The following CREB3L2 variants were observed in gnomAD, a reference collection of about 807,000 sequenced individuals.
CREB3L2 encodes the protein cAMP responsive element binding protein 3 like 2, also known as cyclic AMP-responsive element-binding protein 3-like protein 2.
CREB3L2 carries 23 observed loss-of-function variants against 57.2 expected under a neutral mutation model. The observed-to-expected ratio is 0.40, with a 90% CI of 0.29 to 0.57. The LOEUF (loss-of-function observed/expected upper bound fraction) is 0.57. Ranked by LOEUF, CREB3L2 falls within the 20% of genes least tolerant of loss-of-function variation. The probability of loss-of-function intolerance (pLI) is 0.42; values close to 1 mark genes in which losing one functional copy is unlikely to be tolerated. For missense variants in CREB3L2, 628 were observed against 634.7 expected, an observed-to-expected ratio of 0.99 and a Z score of 0.11; for synonymous variants, 268 against 265.1, an observed-to-expected ratio of 1.01 and a Z score of -0.11.
intron 1 of CREB3L2, among the ~76,000 whole-genome samples, chr7:137,933,206 A>T (rs1436741886): frequency 6.6e-6 from 1 of 152,226 alleles, no homozygotes; most frequent in Non-Finnish European, 1.5e-5. Context: ...AAGAGAAATA[A>T]ATAACAGAAT....
chr7:137,999,379 T>TAC (rs60762009), intron 1 of CREB3L2, among the ~76,000 whole-genome samples: 4,934 of 142,292 alleles, frequency 0.035, 125 homozygotes, highest in African/African-American at 0.058. Flanking sequence ...TATGTTCCCC[T>TAC]ACACACACAC....
At position 137,904,061 on chromosome 7, in the gene CREB3L2, G is replaced by C. The variant is rs570573826; in HGVS notation, c.916-44C>G. 3 of 1,517,304 alleles carry C rather than the reference G, an allele frequency of 2.0e-6. No individual in the cohort carries two copies. In the African/African-American group the frequency reaches 4.1e-5, roughly 21 times the overall value. 94.0% of individuals were successfully genotyped at this position (1,517,304 alleles called of 1,614,324 possible). A position where few individuals can be genotyped will look rare whatever the true frequency, so the allele number is the denominator to read the frequency against. On this transcript the variant is annotated intron_variant, in intron 6 of 11. Coordinates refer to ENST00000330387, the MANE Select transcript of CREB3L2 (RefSeq NM_194071.4). ...AGGAGAATGATTAATTTCCAGCTCT[G>C]TAAGTAAACCAGTTAAGATGGGAGG...
At chr7:137,994,298 GC>G (rs1393434315) in intron 1 of CREB3L2, among the ~76,000 whole-genome samples, 1 of 152,170 alleles carries the variant, frequency 6.6e-6, no homozygotes, top group African/African-American at 2.4e-5. Context: ...AGGCACATGT[GC>G]CCTCATCAAT....
At chr7:137,943,617 G>C (rs1296382892) in intron 1 of CREB3L2, among the ~76,000 whole-genome samples, 1 of 152,142 alleles carries the variant, frequency 6.6e-6, no homozygotes, top group Non-Finnish European at 1.5e-5. Flanking sequence ...AATGGCACTA[G>C]ACCATTTCTA....
chr7:137,889,981 G>A (rs1799501458), intron 8 of CREB3L2, among the ~76,000 whole-genome samples: 2 of 152,062 alleles, frequency 1.3e-5, no homozygotes, highest in Admixed American at 1.3e-4. Context: ...GTACAGCATG[G>A]TACCCTAATC....
At position 137,885,505 on chromosome 7, in the gene CREB3L2, G is replaced by T; in HGVS notation, c.1044-3C>A. The T allele has an allele frequency of 6.2e-7, 1 of 1,610,430 alleles. No homozygotes were observed. The highest frequency in any genetic ancestry group is 8.5e-7 in the Non-Finnish European group (1 of 1,176,642). ...TCTGGAGTTGCTGAAGGAGAGTCCT[G>T]CCAATGATAACAACAGCCGTGAGGG... On this transcript the variant is annotated splice_polypyrimidine_tract_variant and splice_region_variant and intron_variant, in intron 8 of 11. Coordinates refer to ENST00000330387, the MANE Select transcript of CREB3L2 (RefSeq NM_194071.4).
intron 1 of CREB3L2, among the ~76,000 whole-genome samples, chr7:137,995,173 T>C: frequency 6.6e-6 from 1 of 152,132 alleles, no homozygotes; most frequent in Non-Finnish European, 1.5e-5. Context: ...CTTCTCTTCT[T>C]CCTCTGGATG....
At chr7:137,945,034 G>C (rs559477556) in intron 1 of CREB3L2, among the ~76,000 whole-genome samples, 2 of 151,992 alleles carry the variant, frequency 1.3e-5, no homozygotes, top group Non-Finnish European at 2.9e-5. Context: ...CTGGGCTTAC[G>C]GGCATGTGCC....
At chr7:137,940,019 A>C (rs1356331656) in intron 1 of CREB3L2, among the ~76,000 whole-genome samples, 1 of 152,192 alleles carries the variant, frequency 6.6e-6, no homozygotes, top group East Asian at 1.9e-4. Context: ...TACTCTTCCT[A>C]ATTGGTGTTG....
Position 137,986,327 on chromosome 7 carries a change from G to GCA in CREB3L2, c.102+15275_102+15276dup, listed in dbSNP as rs1801791824. On this transcript the variant is annotated intron_variant, in intron 1 of 11. Transcript: ENST00000330387. The stretch of plus-strand genomic sequence containing the variant: ...TTTTGTTAGACGAGAAAACAGACAA[G>GCA]CACACTTATCAGGGCTTCCCAACAG... Among the ~76,000 whole-genome samples the GCA allele has an allele frequency of 6.6e-5, 10 of 152,356 alleles. 1 individual carries two copies. In the South Asian group the frequency reaches 2.1e-3, roughly 32 times the overall value.
At chr7:137,975,522 C>T (rs1454798737) in intron 1 of CREB3L2, among the ~76,000 whole-genome samples, 3 of 152,148 alleles carry the variant, frequency 2.0e-5, no homozygotes, top group Admixed American at 6.5e-5. Context: ...ACAGAAGAGC[C>T]TTTGCTTCTG....
chr7:137,978,311 C>A (rs551717953), intron 1 of CREB3L2, among the ~76,000 whole-genome samples: 1 of 152,262 alleles, frequency 6.6e-6, no homozygotes, highest in South Asian at 2.1e-4. Flanking sequence ...CATATAAAAT[C>A]TGTATTTCTA....
chr7:137,934,696 TAGA>T (rs1416378608), intron 1 of CREB3L2, among the ~76,000 whole-genome samples: 2 of 152,212 alleles, frequency 1.3e-5, no homozygotes, highest in East Asian at 3.8e-4. Context: ...AAGAGTTTGT[TAGA>T]AGGAGAGGCT....
intron 1 of CREB3L2, among the ~76,000 whole-genome samples, chr7:137,959,843 A>C (rs1364854180): frequency 6.6e-6 from 1 of 152,240 alleles, no homozygotes. Flanking sequence ...AGGTAATGTA[A>C]TTACTGGTTC....
At chr7:137,958,411 T>C (rs897728271) in intron 1 of CREB3L2, among the ~76,000 whole-genome samples, 4 of 152,044 alleles carry the variant, frequency 2.6e-5, no homozygotes, top group African/African-American at 4.8e-5. Context: ...ACACCTATAA[T>C]CCCAACACTC....
intron 8 of CREB3L2, among the ~76,000 whole-genome samples, chr7:137,895,356 T>C (rs1000937821): frequency 6.6e-6 from 1 of 152,244 alleles, no homozygotes; most frequent in Non-Finnish European, 1.5e-5. Flanking sequence ...TATTTCTTGA[T>C]GGAGCACAGG....
intron 1 of CREB3L2, among the ~76,000 whole-genome samples, chr7:137,986,419 G>A (rs915946709): frequency 6.6e-5 from 10 of 152,240 alleles, no homozygotes; most frequent in Admixed American, 2.6e-4. Context: ...AGAGGCTGGA[G>A]CGACTGCACC....
chr7:137,883,393 C>T (rs113540631), intron 10 of CREB3L2, among the ~76,000 whole-genome samples: 2 of 152,270 alleles, frequency 1.3e-5, no homozygotes, highest in African/African-American at 2.4e-5. Flanking sequence ...CATTTCAAGA[C>T]CCCCAGTGGA....
Position 137,968,208 on chromosome 7 carries a change from C to CT in CREB3L2, c.102+33395dup, listed in dbSNP as rs1045970771. 6.2e-3 allele frequency among the ~76,000 whole-genome samples: 887 copies of CT among 144,020 alleles called. 1 individual carries two copies. Among genetic ancestry groups the CT allele is most frequent in the Non-Finnish European group, 8.0e-3 (522 of 65,380 alleles). The allele number at this position is 144,020 out of a possible 152,430, so 94.5% of individuals were successfully genotyped here. A position where few individuals can be genotyped will look rare whatever the true frequency, so the allele number is the denominator to read the frequency against. ...TTGCCCTGGACTGGAGCTAGCTACT[C>CT]TTTTTTTTTTTTTTAATTATACTTT... On this transcript the variant is annotated intron_variant, in intron 1 of 11. Coordinates refer to ENST00000330387, the MANE Select transcript of CREB3L2 (RefSeq NM_194071.4).
Sources: gnomAD v4.1 joint callset for allele counts (sites outside exome capture counted in the v4.1 genomes callset) on GRCh38, gnomAD v4.1.1 for gene constraint, MANE v1.5 for transcripts, NCBI Gene and HGNC (gene_info 2026-07-23, HGNC 2026-07-21) for gene names.